Variants in PTPN1 observed in about 807,000 individuals in gnomAD.
The protein encoded by PTPN1 is protein tyrosine phosphatase non-receptor type 1.
PTPN1 carries 12 observed loss-of-function variants against 59.9 expected under a neutral mutation model. The ratio of observed to expected loss-of-function variants is 0.20; its 90% CI spans 0.13 to 0.32. PTPN1 has a LOEUF of 0.32. Ranked by LOEUF, PTPN1 falls within the 10% of genes least tolerant of loss-of-function variation. The pLI is 1.00. For missense variants in PTPN1, 356 were observed against 549.2 expected, an observed-to-expected ratio of 0.65 and a Z score of 3.52; for synonymous variants, 178 against 203.6, an observed-to-expected ratio of 0.87 and a Z score of 1.07.
intron 1 of PTPN1, among the ~76,000 whole-genome samples, chr20:50,527,158 T>C (rs974203894): frequency 2.0e-5 from 3 of 152,188 alleles, no homozygotes; most frequent in Non-Finnish European, 2.9e-5. Context: ...TATCATCTTA[T>C]GTATGCCAGT....
At chr20:50,581,154 C>A in intron 8 of PTPN1, 111 bp from the exon 9 acceptor site, 4 of 1,449,028 alleles carry the variant, frequency 2.8e-6, no homozygotes, top group South Asian at 1.5e-5. Flanking sequence ...CATCATCCAA[C>A]TCTGTCTACA....
intron 1 of PTPN1, among the ~76,000 whole-genome samples, chr20:50,526,376 C>T (rs981148523): frequency 2.6e-5 from 4 of 151,992 alleles, no homozygotes; most frequent in Admixed American, 2.0e-4. Context: ...CCACCATGCC[C>T]AGCTTAGTTG....
chr20:50,578,358 G>A (rs2082847346), intron 5 of PTPN1, 62 bp from the exon 6 acceptor site: 14 of 1,397,600 alleles, frequency 1.0e-5, no homozygotes, highest in South Asian at 2.4e-5. Flanking sequence ...TGTGTACTTG[G>A]AATTAGTGAT....
At chr20:50,549,315 C>CAGAA (rs2082691132) in intron 1 of PTPN1, among the ~76,000 whole-genome samples, 2 of 152,192 alleles carry the variant, frequency 1.3e-5, no homozygotes, top group Admixed American at 6.5e-5. Flanking sequence ...CCCTCTCCAC[C>CAGAA]AGAAGGTCTC....
intron 1 of PTPN1, among the ~76,000 whole-genome samples, chr20:50,538,754 C>T (rs1178261127): frequency 2.0e-5 from 3 of 152,106 alleles, no homozygotes; most frequent in Non-Finnish European, 4.4e-5. Flanking sequence ...CAGTGTTTGG[C>T]TGTTGTTGTG....
chr20:50,536,752 C>T (rs1299680574), intron 1 of PTPN1, among the ~76,000 whole-genome samples: 3 of 152,030 alleles, frequency 2.0e-5, no homozygotes, highest in Admixed American at 2.0e-4. Context: ...TTGAACAGTC[C>T]TGTATTCCCT....
At chr20:50,514,337 T>C (rs564985239) in intron 1 of PTPN1, among the ~76,000 whole-genome samples, 23 of 143,582 alleles carry the variant, frequency 1.6e-4, no homozygotes, top group African/African-American at 5.1e-4. Context: ...AATAATGTAA[T>C]TGAATGTGTA....
intron 1 of PTPN1, among the ~76,000 whole-genome samples, chr20:50,547,243 T>C (rs1236425211): frequency 6.6e-6 from 1 of 152,192 alleles, no homozygotes; most frequent in Non-Finnish European, 1.5e-5. Flanking sequence ...TTTTATACCT[T>C]TGGTAACGAT....
At chr20:50,563,218 A>G (rs1378488475) in intron 2 of PTPN1, 3 of 151,490 alleles carry the variant, frequency 2.0e-5, no homozygotes, top group East Asian at 1.9e-4. Context: ...CCGTACTCCT[A>G]TCCTCCTCCC....
At chr20:50,519,963 G>A (rs535213150) in intron 1 of PTPN1, among the ~76,000 whole-genome samples, 2 of 152,272 alleles carry the variant, frequency 1.3e-5, no homozygotes, top group Admixed American at 6.5e-5. Context: ...TTTCTAGAAA[G>A]ACAACTTTTG....
Position 50,579,155 on chromosome 20 carries a change from C to T in PTPN1, c.703-13C>T, listed in dbSNP as rs753424957. Reference sequence around the variant, plus strand: ...TGGACCTGGCTGACTTATATCTCCTCTCTGGCTTTCAGATGGACAAGAGGA... The same window carrying T: ...TGGACCTGGCTGACTTATATCTCCTTTCTGGCTTTCAGATGGACAAGAGGA... On this transcript the variant is annotated splice_polypyrimidine_tract_variant and intron_variant, in intron 6 of 9. Coordinates refer to ENST00000371621, the MANE Select transcript of PTPN1 (RefSeq NM_002827.4). 1.2e-6 allele frequency: 2 copies of T among 1,613,996 alleles called. No individual in the cohort carries two copies.
chr20:50,568,931 G>C lies in PTPN1; in HGVS notation c.354+453G>C, dbSNP rs553332795. Among the ~76,000 whole-genome samples the C allele has an allele frequency of 7.2e-5, 11 of 152,284 alleles. No individual in the cohort carries two copies. The South Asian group carries it at 2.3e-3, about 32-fold the overall frequency. On this transcript the variant is annotated intron_variant, in intron 4 of 9. Transcript: ENST00000371621. This position sits in a 1 kb window ranked among gnomAD's most constrained non-coding sequence, Gnocchi z 5.6. ...ACTAGATGAGATTTGCCTCCATTCA[G>C]TACCTAGACTCTTGCCCTGCCACAC...
Position 50,579,203 on chromosome 20 carries a change from C to G in PTPN1, c.738C>G (p.Ile246Met). The change falls in exon 7 of 10, where the codon ATC becomes ATG. Residue 246 changes from isoleucine (I) to methionine (M), a missense_variant. Coordinates refer to ENST00000371621, the MANE Select transcript of PTPN1 (RefSeq NM_002827.4). ...DKRKDPSSVD[I>M]KKVLLEMRKF... is the part of the protein sequence containing the mutation. ...GGAAAGACCCTTCTTCCGTTGATAT[C>G]AAGAAAGTGCTGTTAGAAATGAGGA... 1 of 1,614,226 alleles carries G rather than the reference C, an allele frequency of 6.2e-7. No individual in the cohort carries two copies. The highest frequency in any genetic ancestry group is 8.5e-7 in the Non-Finnish European group (1 of 1,180,034).
chr20:50,550,735 GAGGGGAC>G (rs1223578988), intron 1 of PTPN1, among the ~76,000 whole-genome samples: 1 of 150,988 alleles, frequency 6.6e-6, no homozygotes, highest in East Asian at 1.9e-4. Flanking sequence ...CCTGTGTTAG[GAGGGGAC>G]ACTAAGATGA....
chr20:50,561,555 A>G (rs1601407512), intron 2 of PTPN1, 102 bp downstream of exon 2: 2 of 686,308 alleles, frequency 2.9e-6, no homozygotes, highest in East Asian at 5.8e-5. Flanking sequence ...TAATAAATCA[A>G]TGTAGCAGAG....
At chr20:50,547,627 G>T (rs534733738) in intron 1 of PTPN1, among the ~76,000 whole-genome samples, 8 of 152,310 alleles carry the variant, frequency 5.3e-5, no homozygotes, top group Non-Finnish European at 1.0e-4. Flanking sequence ...CTCCCAAAGT[G>T]CTGGGATTAC....
At chr20:50,567,636 G>A (rs575864887) in intron 3 of PTPN1, among the ~76,000 whole-genome samples, 19 of 152,266 alleles carry the variant, frequency 1.2e-4, no homozygotes, top group African/African-American at 4.6e-4. Flanking sequence ...AGGTGAGCTG[G>A]ATTGAAATGG....
intron 1 of PTPN1, among the ~76,000 whole-genome samples, chr20:50,552,520 CACT>C (rs2122765668): frequency 6.6e-6 from 1 of 152,224 alleles, no homozygotes; most frequent in East Asian, 1.9e-4. Flanking sequence ...AGAAGGGATC[CACT>C]TACTGCTGTG....
At chr20:50,533,829 C>T (rs1009759636) in intron 1 of PTPN1, among the ~76,000 whole-genome samples, 1 of 152,128 alleles carries the variant, frequency 6.6e-6, no homozygotes, top group Admixed American at 6.6e-5. Context: ...TCCACAAGTG[C>T]CTTCTGGCAG....
Sources: gnomAD v4.1 joint callset for allele counts (sites outside exome capture counted in the v4.1 genomes callset) on GRCh38, gnomAD v4.1.1 for gene constraint, Gnocchi (gnomAD v3.1) non-coding constraint, MANE v1.5 for transcripts, NCBI Gene and HGNC (gene_info 2026-07-23, HGNC 2026-07-21) for gene names.